TTC29: variants seen among roughly 807,000 people sequenced by gnomAD.
TTC29 encodes the protein tetratricopeptide repeat domain 29.
TTC29 carries 49 observed loss-of-function variants against 58.1 expected under a neutral mutation model. The ratio of observed to expected loss-of-function variants is 0.84; its 90% CI spans 0.67 to 1.07. The LOEUF is 1.07. Ranked by LOEUF, TTC29 falls within the 50% of genes least tolerant of loss-of-function variation. The probability of loss-of-function intolerance (pLI) is 0.00; values close to 1 mark genes in which losing one functional copy is unlikely to be tolerated. For missense variants in TTC29, 582 were observed against 555.6 expected (o/e 1.05, Z -0.48); for synonymous variants, 209 against 196.8 (o/e 1.06, Z -0.52).
chr4:146,748,716 G>T (rs1745738167), intron 11 of TTC29, among the ~76,000 whole-genome samples: 1 of 151,684 alleles, frequency 6.6e-6, no homozygotes, highest in South Asian at 2.1e-4. Flanking sequence ...TGCCCAACTG[G>T]CATTGTCTCA....
chr4:146,903,550 C>T lies in TTC29; in HGVS notation c.580G>A (p.Glu194Lys), dbSNP rs1733301857. Residue 194 changes from glutamate to lysine, a missense_variant, in exon 6 of 13, where the codon GAA becomes AAA. Coordinates refer to ENST00000325106, the MANE Select transcript of TTC29 (RefSeq NM_031956.4). ...CTGGCAAATGCCCACTCACCATCTT[C>T]CTCGTAGAGAAGACCCATATGCATG... ...AHMHMGLLYE[E>K]DGQLLEAAEH... is the part of the protein sequence containing the mutation. 6.2e-7 allele frequency: 1 copy of T among 1,607,366 alleles called. No individual in the cohort carries two copies. Among genetic ancestry groups the T allele is most frequent in the Admixed American group, 1.7e-5 (1 of 59,234 alleles).
At chr4:146,714,768 A>G (rs925232450) in intron 11 of TTC29, among the ~76,000 whole-genome samples, 1 of 152,154 alleles carries the variant, frequency 6.6e-6, no homozygotes, top group Non-Finnish European at 1.5e-5. Flanking sequence ...ACCACATGGC[A>G]ATCTGGATCT....
chr4:146,735,440 T>G (rs1744646713), intron 11 of TTC29, among the ~76,000 whole-genome samples: 1 of 152,182 alleles, frequency 6.6e-6, no homozygotes, highest in Admixed American at 6.5e-5. Context: ...AACACATTGA[T>G]GGAGGACCCA....
chr4:146,752,784 C>A (rs1207307029), intron 11 of TTC29, among the ~76,000 whole-genome samples: 1 of 151,932 alleles, frequency 6.6e-6, no homozygotes, highest in East Asian at 1.9e-4. Context: ...CAAACCTGAC[C>A]AAAACAAGCA....
At chr4:146,791,260 C>T (rs1749427462) in intron 11 of TTC29, among the ~76,000 whole-genome samples, 1 of 152,164 alleles carries the variant, frequency 6.6e-6, no homozygotes, top group East Asian at 1.9e-4. Flanking sequence ...GGTAACCTTG[C>T]TTTAAGCAAG....
intron 6 of TTC29, among the ~76,000 whole-genome samples, chr4:146,878,857 T>G (rs1254904590): frequency 6.6e-6 from 1 of 152,164 alleles, no homozygotes; most frequent in Non-Finnish European, 1.5e-5. Context: ...CTGAATTCTC[T>G]GCTCTCTTCT....
rs1742009907 is a variant in TTC29, at chr4:146,707,139, T to C, written c.*19A>G. ...CATGATGGATTTCTTCTTGCTTTGA[T>C]GTTAAGTGAAAAGCTGCTTTAAGTT... On this transcript the variant is annotated 3_prime_UTR_variant, in exon 13 of 13. Transcript: ENST00000325106. 1.6e-5 allele frequency: 24 copies of C among 1,519,968 alleles called. No homozygotes were observed. Among genetic ancestry groups the C allele is most frequent in the Non-Finnish European group, 2.1e-5 (24 of 1,129,414 alleles). 94.2% of individuals were successfully genotyped at this position (1,519,968 alleles called of 1,614,324 possible).
intron 11 of TTC29, among the ~76,000 whole-genome samples, chr4:146,778,817 C>G (rs929598615): frequency 3.3e-5 from 5 of 151,378 alleles, no homozygotes; most frequent in Non-Finnish European, 7.4e-5. Flanking sequence ...ACCCTGGACT[C>G]CAAAAGGAAG....
At chr4:146,751,178 T>C (rs1003587955) in intron 11 of TTC29, among the ~76,000 whole-genome samples, 1 of 152,228 alleles carries the variant, frequency 6.6e-6, no homozygotes, top group Non-Finnish European at 1.5e-5. Flanking sequence ...ATTGTAAATA[T>C]ATATGCACCC....
At chr4:146,810,264 G>T (rs1376231565) in intron 10 of TTC29, among the ~76,000 whole-genome samples, 1 of 152,132 alleles carries the variant, frequency 6.6e-6, no homozygotes. Flanking sequence ...GGGACTGGGG[G>T]ACTAGGGGAG....
intron 11 of TTC29, among the ~76,000 whole-genome samples, chr4:146,733,191 G>C (rs565763397): frequency 2.0e-5 from 3 of 152,118 alleles, no homozygotes; most frequent in Non-Finnish European, 4.4e-5. Flanking sequence ...CTTTACTGCT[G>C]TAAATAGTGA....
chr4:146,931,978 T>C (rs1735367874), intron 4 of TTC29, among the ~76,000 whole-genome samples: 1 of 152,170 alleles, frequency 6.6e-6, no homozygotes, highest in African/African-American at 2.4e-5. Context: ...TTTTCCCCCT[T>C]CTTCTTTCTG....
intron 11 of TTC29, among the ~76,000 whole-genome samples, chr4:146,709,055 C>T (rs748303886): frequency 1.2e-4 from 19 of 152,086 alleles, no homozygotes; most frequent in Non-Finnish European, 1.9e-4. Context: ...TATCTACAAA[C>T]GGAATCATTC....
chr4:146,833,828 C>A lies in TTC29; in HGVS notation c.955G>T (p.Ala319Ser), dbSNP rs1443457148. 1.2e-6 allele frequency: 2 copies of A among 1,613,008 alleles called. No homozygotes were observed. The highest frequency in any genetic ancestry group is 1.7e-5 in the Admixed American group (1 of 59,974). The change falls in exon 9 of 13, where the codon GCC (alanine) becomes TCC (serine). Residue 319 changes from alanine (A) to serine (S), a missense_variant. Physicochemically the swap from Ala to Ser is moderately conservative, Grantham distance 99. Coordinates refer to ENST00000325106, the MANE Select transcript of TTC29 (RefSeq NM_031956.4). The part of the protein sequence containing the change: ...DDLSLGRGYE[A>S]IAKVLQSQGE... ...TACCTCTGCAGGACCTTGGCTATGG[C>A]TTCATAGCCTCTCCCCAGACTGAGA... is the stretch of plus-strand genomic sequence containing the variant.
intron 11 of TTC29, 68 bp downstream of exon 11, chr4:146,803,389 C>T (rs1257862730): frequency 8.7e-7 from 1 of 1,144,558 alleles, no homozygotes; most frequent in Admixed American, 2.7e-5. Flanking sequence ...GTGAAACTTT[C>T]CAATGAAAGT....
intron 8 of TTC29, among the ~76,000 whole-genome samples, chr4:146,854,778 T>C (rs1207198119): frequency 6.6e-6 from 1 of 152,190 alleles, no homozygotes; most frequent in African/African-American, 2.4e-5. Flanking sequence ...ACTTTCACAC[T>C]ATTTGGCTTT....
At chr4:146,808,609 C>G (rs1750789822) in intron 10 of TTC29, among the ~76,000 whole-genome samples, 1 of 151,970 alleles carries the variant, frequency 6.6e-6, no homozygotes, top group Non-Finnish European at 1.5e-5. Context: ...GACAGAGAGC[C>G]AAATCATGAG....
chr4:146,721,380 G>A (rs1743341661), intron 11 of TTC29, among the ~76,000 whole-genome samples: 1 of 152,086 alleles, frequency 6.6e-6, no homozygotes, highest in Non-Finnish European at 1.5e-5. Context: ...AGTCATTTCT[G>A]GAGAAATTTT....
chr4:146,916,280 A>AT (rs1243675279), intron 4 of TTC29, among the ~76,000 whole-genome samples: 2 of 151,650 alleles, frequency 1.3e-5, no homozygotes, highest in Admixed American at 1.3e-4. Context: ...TAAAAATGCT[A>AT]TTTTTTCCCA....
Sources: allele counts gnomAD v4.1 joint callset (sites outside exome capture counted in the v4.1 genomes callset), GRCh38; gene constraint gnomAD v4.1.1; transcripts MANE v1.5; gene names NCBI Gene and HGNC (gene_info 2026-07-23, HGNC 2026-07-21).